SDCCAG8: variants seen among roughly 807,000 people sequenced by gnomAD.
SDCCAG8 encodes the protein serologically defined colon cancer antigen 8.
In SDCCAG8, 74 loss-of-function variants were observed where a neutral mutation model predicts 101.8. That is an observed-to-expected ratio of 0.73 (90% CI 0.60 to 0.88). The LOEUF (loss-of-function observed/expected upper bound fraction) is 0.88. Ranked by LOEUF, SDCCAG8 falls within the 40% of genes least tolerant of loss-of-function variation. SDCCAG8 has a pLI of 0.00. For synonymous variants in SDCCAG8, 281 were observed against 292.9 expected, an observed-to-expected ratio of 0.96 and a Z score of 0.41; for missense variants, 787 against 822.6, an observed-to-expected ratio of 0.96 and a Z score of 0.53.
At position 243,330,539 on chromosome 1, in the gene SDCCAG8, G is replaced by A; in HGVS notation, c.1069-1G>A. The A allele has an allele frequency of 6.2e-7, 1 of 1,613,986 alleles. No individual in the cohort carries two copies. The highest frequency in any genetic ancestry group is 8.5e-7 in the Non-Finnish European group (1 of 1,179,972). ...TCTTTCAATCTGTTCTATCCTGGCA[G>A]GCTTTAATCCAGTGTGACCAGTTGA... On this transcript the variant is annotated splice_acceptor_variant, in intron 9 of 17. Coordinates refer to ENST00000366541, the MANE Select transcript of SDCCAG8 (RefSeq NM_006642.5). LOFTEE classifies it high-confidence loss of function.
rs2073307828 is a variant in SDCCAG8, at chr1:243,317,008, G to A, written c.1068+115G>A. 7.0e-5 allele frequency: 76 copies of A among 1,086,646 alleles called. 2 individuals carry two copies. In the South Asian group the frequency reaches 1.0e-3, roughly 15 times the overall value. The allele number at this position is 1,086,646 out of a possible 1,614,324, so 67.3% of individuals were successfully genotyped here. On this transcript the variant is annotated intron_variant, in intron 9 of 17. Transcript: ENST00000366541. ...ACTTTGTTTTTCAAACACACAAAGT[G>A]AATTATCAATCTGTTAATGTTGACT... is the stretch of plus-strand genomic sequence containing the variant.
At chr1:243,404,457 AT>A (rs1233214315) in intron 13 of SDCCAG8, among the ~76,000 whole-genome samples, 1 of 152,236 alleles carries the variant, frequency 6.6e-6, no homozygotes, top group Non-Finnish European at 1.5e-5. Context: ...TCAAATAGAA[AT>A]AATGTTAAAT....
chr1:243,430,811 A>C (rs574493800), intron 16 of SDCCAG8, among the ~76,000 whole-genome samples: 3 of 152,310 alleles, frequency 2.0e-5, no homozygotes, highest in Non-Finnish European at 4.4e-5. Context: ...GATTTTTTAA[A>C]AAATAGAGGA....
intron 7 of SDCCAG8, chr1:243,307,675 A>G (rs1477983738): frequency 8.2e-7 from 1 of 1,226,316 alleles, no homozygotes; most frequent in Non-Finnish European, 1.0e-6. Context: ...TTTTGTGGTT[A>G]ATATAACATT....
chr1:243,270,703 G>A (rs548616900), intron 2 of SDCCAG8, among the ~76,000 whole-genome samples: 1 of 152,118 alleles, frequency 6.6e-6, no homozygotes, highest in South Asian at 2.1e-4. Context: ...AGCACAATTA[G>A]CTTCTTCCTC....
rs2147905474 is a variant in SDCCAG8, at chr1:243,378,803, A to T, written c.1556A>T (p.Glu519Val). 1 of 1,614,158 alleles carries T rather than the reference A, an allele frequency of 6.2e-7. No individual in the cohort carries two copies. The highest frequency in any genetic ancestry group is 8.5e-7 in the Non-Finnish European group (1 of 1,180,006). The change falls in exon 13 of 18, where the codon GAG (glutamate) becomes GTG (valine). Residue 519 changes from glutamate (E) to valine (V), a missense_variant. By Grantham distance (121) the Glu-to-Val change is moderately radical. Transcript: ENST00000366541. Reference protein sequence around the residue: ...QEQQKAALAREECLRLTELLG... With the variant: ...QEQQKAALARVECLRLTELLG... The stretch of plus-strand genomic sequence containing the variant: ...CAGCAGAAGGCAGCCCTGGCCAGAG[A>T]GGAGTGCCTGAGACTAACAGAACTG...
chr1:243,461,265 G>A (rs1380789819), intron 16 of SDCCAG8, among the ~76,000 whole-genome samples: 1 of 152,204 alleles, frequency 6.6e-6, no homozygotes, highest in Non-Finnish European at 1.5e-5. Flanking sequence ...TTTTACTGCT[G>A]TAAAGAGAGC....
intron 16 of SDCCAG8, among the ~76,000 whole-genome samples, chr1:243,476,565 C>T (rs1558521814): frequency 6.6e-6 from 1 of 152,180 alleles, no homozygotes; most frequent in African/African-American, 2.4e-5. Flanking sequence ...AGAAAGTCCC[C>T]ATTCAAACAG....
rs867041845 is a variant in SDCCAG8, at chr1:243,389,160, A to C, written c.1616+10297A>C. The stretch of plus-strand genomic sequence containing the variant: ...AGACTCTGTCCCCCCTCCCCCCCCC[A>C]AAAAAAAAATAATAAATAAAAATGC... On this transcript the variant is annotated intron_variant, in intron 13 of 17. Coordinates refer to ENST00000366541, the MANE Select transcript of SDCCAG8 (RefSeq NM_006642.5). 6.3e-3 allele frequency among the ~76,000 whole-genome samples: 541 copies of C among 85,392 alleles called. 1 individual carries two copies. The highest frequency in any genetic ancestry group is 0.017 in the East Asian group (50 of 2,896). The allele number at this position is 85,392 out of a possible 152,430, so 56.0% of individuals were successfully genotyped here.
intron 13 of SDCCAG8, among the ~76,000 whole-genome samples, chr1:243,409,908 C>T (rs997068895): frequency 6.6e-6 from 1 of 152,026 alleles, no homozygotes; most frequent in Non-Finnish European, 1.5e-5. Context: ...GATGAGAGCT[C>T]GATGAAGAAT....
chr1:243,491,717 C>T (rs1159344801), intron 17 of SDCCAG8, among the ~76,000 whole-genome samples: 1 of 152,138 alleles, frequency 6.6e-6, no homozygotes, highest in African/African-American at 2.4e-5. Flanking sequence ...GCTGTAGGTT[C>T]GAGCAGGTAT....
At chr1:243,330,316 A>G (rs1341964097) in intron 9 of SDCCAG8, among the ~76,000 whole-genome samples, 1 of 152,212 alleles carries the variant, frequency 6.6e-6, no homozygotes, top group Non-Finnish European at 1.5e-5. Context: ...GTCATTGATT[A>G]ATTAATATGG....
chr1:243,272,733 T>G (rs2068197512), intron 3 of SDCCAG8, among the ~76,000 whole-genome samples: 1 of 152,206 alleles, frequency 6.6e-6, no homozygotes, highest in Admixed American at 6.5e-5. Flanking sequence ...AGAATGGAAC[T>G]TAGACTCTAT....
chr1:243,414,598 C>A (rs1017836166), intron 13 of SDCCAG8, among the ~76,000 whole-genome samples: 9 of 152,084 alleles, frequency 5.9e-5, no homozygotes, highest in African/African-American at 1.7e-4. Flanking sequence ...CCTTATGTTG[C>A]TTTATAATTA....
At chr1:243,299,267 C>A (rs2071258668) in intron 6 of SDCCAG8, among the ~76,000 whole-genome samples, 1 of 152,130 alleles carries the variant, frequency 6.6e-6, no homozygotes, top group Non-Finnish European at 1.5e-5. Context: ...ATGTCACTTT[C>A]TTTTGATTAG....
chr1:243,400,013 G>C (rs769104336), intron 13 of SDCCAG8, among the ~76,000 whole-genome samples: 1 of 152,194 alleles, frequency 6.6e-6, no homozygotes, highest in Non-Finnish European at 1.5e-5. Context: ...AAGTGGTGGC[G>C]TAGGCACTGA....
At chr1:243,290,502 G>A (rs2070140208) in intron 5 of SDCCAG8, among the ~76,000 whole-genome samples, 1 of 151,778 alleles carries the variant, frequency 6.6e-6, no homozygotes, top group African/African-American at 2.4e-5. Flanking sequence ...CATATCTTAG[G>A]GGATTTGACT....
intron 11 of SDCCAG8, among the ~76,000 whole-genome samples, chr1:243,344,010 T>C (rs1479682660): frequency 6.6e-6 from 1 of 152,260 alleles, no homozygotes; most frequent in African/African-American, 2.4e-5. Flanking sequence ...TTATCTGTAA[T>C]TTCAAGTTGT....
At chr1:243,313,041 A>G (rs2072906149) in intron 8 of SDCCAG8, among the ~76,000 whole-genome samples, 1 of 152,188 alleles carries the variant, frequency 6.6e-6, no homozygotes. Context: ...AGCTCACAGT[A>G]CCTTGGAGAA....
Sources: allele counts gnomAD v4.1 joint callset (sites outside exome capture counted in the v4.1 genomes callset), GRCh38; gene constraint gnomAD v4.1.1; transcripts MANE v1.5; gene names NCBI Gene and HGNC (gene_info 2026-07-23, HGNC 2026-07-21).